Variants in HAS2 observed in about 807,000 individuals in gnomAD.
HAS2 encodes hyaluronan synthase 2.
HAS2 carries 16 observed loss-of-function variants against 51.6 expected under a neutral mutation model. That is an observed-to-expected ratio of 0.31 (90% CI 0.21 to 0.47). The LOEUF is 0.47. Ranked by LOEUF, HAS2 falls within the 20% of genes least tolerant of loss-of-function variation. HAS2 has a pLI of 1.00. For synonymous variants in HAS2, 228 were observed against 235.5 expected, an observed-to-expected ratio of 0.97 and a Z score of 0.29; for missense variants, 361 against 662.6, an observed-to-expected ratio of 0.54 and a Z score of 5.00.
Position 121,614,620 on chromosome 8 carries a change from G to A in HAS2, c.1148C>T (p.Thr383Ile). 1 of 1,614,040 alleles carries A rather than the reference G, an allele frequency of 6.2e-7. No homozygotes were observed. The highest frequency in any genetic ancestry group is 8.5e-7 in the Non-Finnish European group (1 of 1,179,862). ...HLWMTYEAII[T>I]GFFPFFLIAT... ...AATGAGAAAGAAAGGAAAGAATCCA[G>A]TGATAATCGCTTCGTAGGTCATCCA... The change falls in exon 4 of 4, where the codon ACT becomes ATT. Residue 383 changes from threonine to isoleucine, a missense_variant. Physicochemically the swap from Thr to Ile is moderately conservative, Grantham distance 89. Transcript: ENST00000303924. This position sits in a 1 kb window ranked among gnomAD's most constrained non-coding sequence, Gnocchi z 7.2.
At chr8:121,637,484 G>A (rs936526094) in intron 1 of HAS2, among the ~76,000 whole-genome samples, 19 of 146,054 alleles carry the variant, frequency 1.3e-4, no homozygotes, top group Admixed American at 4.3e-4. Flanking sequence ...TCCACCTCCC[G>A]AGTTCAAGAA....
intron 2 of HAS2, among the ~76,000 whole-genome samples, chr8:121,622,914 AAAAG>A: frequency 6.6e-6 from 1 of 152,238 alleles, no homozygotes; most frequent in South Asian, 2.1e-4. Flanking sequence ...TTAGAGCTAC[AAAAG>A]CTTTTTGAAA....
intron 2 of HAS2, among the ~76,000 whole-genome samples, chr8:121,625,097 C>CA (rs537345385): frequency 0.28 from 15,551 of 56,460 alleles, 2,288 homozygotes; most frequent in Non-Finnish European, 0.32. Context: ...GACTCCGTCT[C>CA]AAAAAAAAAA....
At chr8:121,621,068 T>C (rs1458622457) in intron 2 of HAS2, among the ~76,000 whole-genome samples, 1 of 152,166 alleles carries the variant, frequency 6.6e-6, no homozygotes, top group Non-Finnish European at 1.5e-5. Flanking sequence ...ACAGAGACCA[T>C]ATAGCCTGCA....
intron 1 of HAS2, among the ~76,000 whole-genome samples, chr8:121,632,517 A>G (rs1193123890): frequency 1.3e-5 from 2 of 152,202 alleles, no homozygotes; most frequent in African/African-American, 4.8e-5. Flanking sequence ...ACTAATTGAT[A>G]CCAAATATTT....
intron 2 of HAS2, among the ~76,000 whole-genome samples, chr8:121,624,961 G>T (rs1404396192): frequency 3.3e-5 from 5 of 152,036 alleles, no homozygotes; most frequent in Middle Eastern, 3.2e-3. Flanking sequence ...AGCCAGGCGT[G>T]GTAGCGGGCG....
chr8:121,630,367 T>G (rs1812913840), intron 1 of HAS2, among the ~76,000 whole-genome samples: 1 of 152,204 alleles, frequency 6.6e-6, no homozygotes, highest in South Asian at 2.1e-4. Flanking sequence ...TGAAAAAAGT[T>G]TTAAACAACT....
At chr8:121,624,949 T>A (rs1812822786) in intron 2 of HAS2, among the ~76,000 whole-genome samples, 1 of 151,548 alleles carries the variant, frequency 6.6e-6, no homozygotes. Context: ...CAAAAAAAAA[T>A]TAGCCAGGCG....
In HAS2 at chr8:121,612,362, A is replaced by C. The variant is rs1476349893; in HGVS notation, c.*1747T>G. 2 of 152,144 alleles carry C rather than the reference A, an allele frequency of 1.3e-5. No individual in the cohort carries two copies. Among genetic ancestry groups the C allele is most frequent in the Non-Finnish European group, 2.9e-5 (2 of 68,016 alleles). 9.4% of individuals were successfully genotyped at this position (152,144 alleles called of 1,614,324 possible). A position where few individuals can be genotyped will look rare whatever the true frequency, so the allele number is the denominator to read the frequency against. On this transcript the variant is annotated 3_prime_UTR_variant, in exon 4 of 4. Transcript: ENST00000303924. ...TTTTCCACAAGCTCTCCAATCAGTG[A>C]GAGTCTTGAGTCTCAGATGTACCTT...
intron 2 of HAS2, among the ~76,000 whole-genome samples, chr8:121,624,809 C>T (rs1362447926): frequency 6.6e-6 from 1 of 152,128 alleles, no homozygotes; most frequent in African/African-American, 2.4e-5. Flanking sequence ...ATAATCAAGA[C>T]ATCCGGCTGG....
rs550895465 is a variant in HAS2, at chr8:121,628,616, C to T, written c.627+98G>A. On this transcript the variant is annotated intron_variant, in intron 2 of 3. Transcript: ENST00000303924. ...AATGAACTGAAAGAAGTACTGTGTT[C>T]AGAAGGGACAAGGATGGGCTATAGC... The T allele has an allele frequency of 1.0e-4, 112 of 1,074,730 alleles. No homozygotes were observed. The South Asian group carries it at 1.7e-3, about 16-fold the overall frequency. 66.6% of individuals were successfully genotyped at this position (1,074,730 alleles called of 1,614,324 possible). A position where few individuals can be genotyped will look rare whatever the true frequency, so the allele number is the denominator to read the frequency against.
intron 1 of HAS2, among the ~76,000 whole-genome samples, chr8:121,637,078 C>G (rs146917165): frequency 6.6e-6 from 1 of 152,268 alleles, no homozygotes; most frequent in South Asian, 2.1e-4. Flanking sequence ...TGTAAACCAT[C>G]TAGTTGAGTG....
intron 3 of HAS2, 36 bp from the exon 4 acceptor site, chr8:121,615,074 T>C (rs542830497): frequency 2.0e-6 from 3 of 1,478,300 alleles, no homozygotes; most frequent in Admixed American, 4.1e-5. Context: ...AGGTAAGCTT[T>C]AGCTAAAAAT....
intron 2 of HAS2, among the ~76,000 whole-genome samples, chr8:121,618,375 G>A (rs957272531): frequency 6.6e-6 from 1 of 152,102 alleles, no homozygotes; most frequent in Non-Finnish European, 1.5e-5. Context: ...AGGTACAGCT[G>A]ATACCTGTTC....
chr8:121,634,953 A>G (rs1812990092), intron 1 of HAS2, among the ~76,000 whole-genome samples: 1 of 152,284 alleles, frequency 6.6e-6, no homozygotes, highest in Admixed American at 6.5e-5. Context: ...TGGGGCATCA[A>G]CTTTTATCAT....
At chr8:121,632,144 C>G (rs1439542627) in intron 1 of HAS2, among the ~76,000 whole-genome samples, 1 of 152,186 alleles carries the variant, frequency 6.6e-6, no homozygotes, top group Non-Finnish European at 1.5e-5. Flanking sequence ...ATGGCACACA[C>G]AGCATCTTGG....
At chr8:121,637,869 C>A (rs1813032586) in intron 1 of HAS2, among the ~76,000 whole-genome samples, 1 of 152,144 alleles carries the variant, frequency 6.6e-6, no homozygotes, top group East Asian at 1.9e-4. Flanking sequence ...CATGGGTTTG[C>A]ATGGATAAAA....
At chr8:121,631,967 G>A (rs975649408) in intron 1 of HAS2, among the ~76,000 whole-genome samples, 30 of 152,224 alleles carry the variant, frequency 2.0e-4, no homozygotes, top group Admixed American at 1.0e-3. Flanking sequence ...AGAGAGTGTT[G>A]ACATAGCATC....
intron 1 of HAS2, among the ~76,000 whole-genome samples, chr8:121,630,847 A>G (rs540383353): frequency 6.6e-6 from 1 of 152,310 alleles, no homozygotes; most frequent in Admixed American, 6.5e-5. Flanking sequence ...CTCAGCTCCA[A>G]GAGGCACCAT....
Sources: gnomAD v4.1 joint callset for allele counts (sites outside exome capture counted in the v4.1 genomes callset) on GRCh38, gnomAD v4.1.1 for gene constraint, Gnocchi (gnomAD v3.1) non-coding constraint, MANE v1.5 for transcripts, NCBI Gene and HGNC (gene_info 2026-07-23, HGNC 2026-07-21) for gene names.